CLDN10: variants seen among roughly 807,000 people sequenced by gnomAD.
CLDN10 encodes the protein claudin-10.
A neutral mutation model predicts 22.9 loss-of-function variants in CLDN10; 15 were observed. The ratio of observed to expected loss-of-function variants is 0.65; its 90% CI spans 0.44 to 1.01. CLDN10 has a LOEUF of 1.01. CLDN10 is among the 50% of genes least tolerant of loss of function. The probability of loss-of-function intolerance (pLI) is 0.00; values close to 1 mark genes in which losing one functional copy is unlikely to be tolerated. For synonymous variants in CLDN10, 114 were observed against 111.4 expected (o/e 1.02, Z -0.15); for missense variants, 247 against 287.8 (o/e 0.86, Z 1.03).
chr13:95,571,718 ATTATAT>A (rs1190954185), intron 3 of CLDN10, among the ~76,000 whole-genome samples: 1 of 152,228 alleles, frequency 6.6e-6, no homozygotes, highest in Admixed American at 6.5e-5. Context: ...TAGATTATAG[ATTATAT>A]TTAATATAAG....
At chr13:95,473,220 G>T (rs757541622) in intron 1 of CLDN10, among the ~76,000 whole-genome samples, 4 of 150,918 alleles carry the variant, frequency 2.7e-5, no homozygotes, top group Non-Finnish European at 5.9e-5. Context: ...TAGAACTTCC[G>T]TGTGTATTAC....
chr13:95,526,023 A>G (rs2043277391), intron 1 of CLDN10, among the ~76,000 whole-genome samples: 1 of 151,918 alleles, frequency 6.6e-6, no homozygotes, highest in South Asian at 2.1e-4. Flanking sequence ...CTAAGTCTCA[A>G]TGTTTTCGCA....
At chr13:95,456,274 T>C (rs1049741258) in intron 1 of CLDN10, among the ~76,000 whole-genome samples, 1 of 152,192 alleles carries the variant, frequency 6.6e-6, no homozygotes, top group African/African-American at 2.4e-5. Flanking sequence ...CACAAAAATC[T>C]TAATTCTGGG....
intron 3 of CLDN10, 83 bp downstream of exon 3, chr13:95,560,546 A>T (rs1393574495): frequency 8.0e-6 from 9 of 1,131,524 alleles, no homozygotes; most frequent in Non-Finnish European, 1.2e-5. Context: ...TGAATTTCCT[A>T]TATGACTTTT....
chr13:95,552,191 T>A (rs2043573195), upstream of CLDN10, among the ~76,000 whole-genome samples: 2 of 152,368 alleles, frequency 1.3e-5, no homozygotes, highest in South Asian at 4.1e-4. Flanking sequence ...GAATCTGCAA[T>A]GATCCCTCCT....
At chr13:95,577,401 T>C (rs2043950022) in intron 4 of CLDN10, 63 bp downstream of exon 4, 1 of 1,041,282 alleles carries the variant, frequency 9.6e-7, no homozygotes, top group Non-Finnish European at 1.5e-6. Context: ...TCATTACATG[T>C]GGAACAAATT....
chr13:95,504,376 A>T (rs765453373), intron 1 of CLDN10, among the ~76,000 whole-genome samples: 5 of 152,004 alleles, frequency 3.3e-5, no homozygotes, highest in African/African-American at 9.7e-5. Context: ...TTAATTTTTT[A>T]TTTTATTTTA....
intron 1 of CLDN10, among the ~76,000 whole-genome samples, chr13:95,462,031 A>G (rs1475767760): frequency 6.6e-6 from 1 of 152,094 alleles, no homozygotes; most frequent in Non-Finnish European, 1.5e-5. Flanking sequence ...AGGAGGTGAA[A>G]GCTGCAGTGA....
At chr13:95,516,983 C>G (rs1215660097) in intron 1 of CLDN10, among the ~76,000 whole-genome samples, 2 of 34,946 alleles carry the variant, frequency 5.7e-5, no homozygotes, top group African/African-American at 1.6e-4. Flanking sequence ...TCCTTCCTTC[C>G]TTCCTTCCTT....
At chr13:95,448,719 G>GTATTTTATTTTATTTTATTTTATTT (rs59288111) in intron 1 of CLDN10, among the ~76,000 whole-genome samples, 8,927 of 144,162 alleles carry the variant, frequency 0.062, 470 homozygotes, top group South Asian at 0.16. Flanking sequence ...CTAAGCCATA[G>GTATTTTATTTTATTTTATTTTATTT]TATTTTATTT....
intron 1 of CLDN10, among the ~76,000 whole-genome samples, chr13:95,440,501 C>T (rs773169108): frequency 6.6e-6 from 1 of 152,090 alleles, no homozygotes; most frequent in Non-Finnish European, 1.5e-5. Context: ...CACAGGGAGA[C>T]CTTGTCCCTA....
chr13:95,484,759 G>T (rs371340570), intron 1 of CLDN10, among the ~76,000 whole-genome samples: 7 of 150,926 alleles, frequency 4.6e-5, no homozygotes, highest in African/African-American at 1.7e-4. Flanking sequence ...CCAGCTACTC[G>T]GGAGGCTGAG....
intron 1 of CLDN10, among the ~76,000 whole-genome samples, chr13:95,459,261 G>A (rs1049150667): frequency 1.3e-5 from 2 of 152,152 alleles, no homozygotes; most frequent in Admixed American, 1.3e-4. Flanking sequence ...ATGGGGTCTG[G>A]AGGACAGTGG....
rs540780602 is a variant in CLDN10, at chr13:95,472,729, A to T, written c.214+38682A>T. Among the ~76,000 whole-genome samples, 5 of 151,950 alleles carry T rather than the reference A, an allele frequency of 3.3e-5. No homozygotes were observed. The East Asian group carries it at 9.7e-4, about 29-fold the overall frequency. ...CACTACAGGTAAAACAGAAACTCTA[A>T]GGCAAAAGGGAGCTGATTCCCGTAG... On this transcript the variant is annotated intron_variant, in intron 1 of 4. Coordinates refer to the CLDN10 transcript ENST00000376873.
At chr13:95,474,187 C>CAGTGACAGATCATCAAG (rs71932495) in intron 1 of CLDN10, among the ~76,000 whole-genome samples, 1 of 151,930 alleles carries the variant, frequency 6.6e-6, no homozygotes, top group African/African-American at 2.4e-5. Context: ...TGATGGGAGA[C>CAGTGACAGATCATCAAG]AGTGACAGAT....
rs57500288 is a variant in CLDN10, at chr13:95,532,792, C to CAAAAAAAAAAAAAAA, written c.215-27332_215-27318dup. 5.3e-4 allele frequency among the ~76,000 whole-genome samples: 33 copies of CAAAAAAAAAAAAAAA among 62,016 alleles called. 1 individual carries two copies. The highest frequency in any genetic ancestry group is 5.2e-4 in the Non-Finnish European group (19 of 36,284). The allele number at this position is 62,016 out of a possible 152,430, so 40.7% of individuals were successfully genotyped here. On this transcript the variant is annotated intron_variant, in intron 1 of 4. Coordinates refer to the CLDN10 transcript ENST00000376873. Reference sequence around the variant, plus strand: ...CTTCAGATACTGGAACTCAATTCAGCAAAAAAAAAAAAAAAAAAAAAAGAA... The same window carrying CAAAAAAAAAAAAAAA: ...CTTCAGATACTGGAACTCAATTCAGCAAAAAAAAAAAAAAAAAAAAAAAAAAAAAAAAAAAAAGAA...
At chr13:95,474,141 C>T (rs139899158) in intron 1 of CLDN10, among the ~76,000 whole-genome samples, 1,757 of 152,250 alleles carry the variant, frequency 0.012, 25 homozygotes, top group African/African-American at 0.04. Context: ...GAGCCCTGAG[C>T]TTGTTTTACT....
chr13:95,475,327 A>C lies in CLDN10; in HGVS notation c.214+41280A>C, dbSNP rs1472110438. On this transcript the variant is annotated intron_variant, in intron 1 of 4. Coordinates refer to the CLDN10 transcript ENST00000376873. ...AATAACCTTGGTTCAAAAGGGGAGC[A>C]CCTGGTCCCCAGAGACTGTAACCAG... 3.3e-5 allele frequency among the ~76,000 whole-genome samples: 5 copies of C among 152,298 alleles called. No individual in the cohort carries two copies. The East Asian group carries it at 9.7e-4, about 29-fold the overall frequency.
At chr13:95,555,439 T>C (rs747204417) in intron 1 of CLDN10, among the ~76,000 whole-genome samples, 20 of 152,178 alleles carry the variant, frequency 1.3e-4, no homozygotes, top group Non-Finnish European at 2.8e-4. Context: ...TTTTTTTTTC[T>C]CTTTTGTGAA....
Sources: gnomAD v4.1 joint callset for allele counts (sites outside exome capture counted in the v4.1 genomes callset) on GRCh38, gnomAD v4.1.1 for gene constraint, MANE v1.5 for transcripts, NCBI Gene and HGNC (gene_info 2026-07-23, HGNC 2026-07-21) for gene names.